GALNT13: variants seen among roughly 807,000 people sequenced by gnomAD.
The protein encoded by GALNT13 is UDP-GalNAc:polypeptide N-acetylgalactosaminyltransferase 13.
Under a neutral mutation model 64.2 loss-of-function variants are expected in GALNT13, and 28 were observed. The ratio of observed to expected loss-of-function variants is 0.44; its 90% CI spans 0.32 to 0.60. The LOEUF is 0.60. GALNT13 is among the 20% of genes least tolerant of loss of function. The pLI, the probability that GALNT13 is intolerant of heterozygous loss-of-function variation, is 0.05. For missense variants in GALNT13, 577 were observed against 669.8 expected (o/e 0.86, Z 1.53); for synonymous variants, 214 against 224.6 (o/e 0.95, Z 0.42).
chr2:154,237,134 A>G (rs965581539), intron 4 of GALNT13, among the ~76,000 whole-genome samples: 22 of 151,904 alleles, frequency 1.4e-4, no homozygotes, highest in African/African-American at 5.3e-4. Flanking sequence ...TGAGACTTGT[A>G]TTCTGTGAAA....
At chr2:153,177,476 G>T in the GALNT13 span, among the ~76,000 whole-genome samples, 1 of 151,948 alleles carries the variant, frequency 6.6e-6, no homozygotes, top group East Asian at 1.9e-4. Flanking sequence ...TACACCAAAG[G>T]TAGATGGATT....
chr2:154,446,532 A>AT (rs1186945103), intron 12 of GALNT13: 1 of 1,512,448 alleles, frequency 6.6e-7, no homozygotes, highest in South Asian at 1.3e-5. Context: ...TTTGTACTTG[A>AT]TTTTGTCATT....
At chr2:153,296,796 AT>A in the GALNT13 span, among the ~76,000 whole-genome samples, 3,925 of 151,840 alleles carry the variant, frequency 0.026, 163 homozygotes, top group African/African-American at 0.085. Flanking sequence ...TGGATTCTCA[AT>A]TTTTTTTTAT....
At chr2:154,054,468 T>C (rs1014937212) in intron 3 of GALNT13, among the ~76,000 whole-genome samples, 1 of 152,042 alleles carries the variant, frequency 6.6e-6, no homozygotes, top group African/African-American at 2.4e-5. Flanking sequence ...AGTGAATACA[T>C]ATTCTAGTAT....
the GALNT13 span, among the ~76,000 whole-genome samples, chr2:153,185,360 TA>T: frequency 2.0e-5 from 3 of 152,194 alleles, no homozygotes; most frequent in Non-Finnish European, 1.5e-5. Context: ...TATTCTTTAT[TA>T]GTCTACCTAG....
the GALNT13 span, among the ~76,000 whole-genome samples, chr2:153,326,207 C>T: frequency 6.6e-6 from 1 of 151,908 alleles, no homozygotes; most frequent in Non-Finnish European, 1.5e-5. Context: ...CTTCTTGTTG[C>T]ATTGATGCGT....
chr2:153,659,482 C>A, the GALNT13 span, among the ~76,000 whole-genome samples: 4 of 152,064 alleles, frequency 2.6e-5, no homozygotes, highest in African/African-American at 7.2e-5. Flanking sequence ...CCTCTTCCTT[C>A]GAAGCTTAAG....
the GALNT13 span, among the ~76,000 whole-genome samples, chr2:153,439,932 G>C: frequency 3.9e-5 from 6 of 152,138 alleles, no homozygotes; most frequent in African/African-American, 1.4e-4. Context: ...CTGCAGACTG[G>C]AGCTGTTCCT....
chr2:153,534,510 C>T, the GALNT13 span, among the ~76,000 whole-genome samples: 1 of 147,984 alleles, frequency 6.8e-6, no homozygotes, highest in Non-Finnish European at 1.5e-5. Flanking sequence ...CAAGTTAGGC[C>T]CCTCTTTCTT....
the GALNT13 span, among the ~76,000 whole-genome samples, chr2:153,559,003 T>A: frequency 6.6e-6 from 1 of 152,120 alleles, no homozygotes; most frequent in Admixed American, 6.6e-5. Context: ...TTGGTGGTGA[T>A]AAAAATGAAT....
At chr2:154,219,956 G>A (rs112198671) in intron 4 of GALNT13, among the ~76,000 whole-genome samples, 2,956 of 152,106 alleles carry the variant, frequency 0.019, 83 homozygotes, top group African/African-American at 0.06. Context: ...GAAGAATAAG[G>A]ACACATATCA....
the GALNT13 span, among the ~76,000 whole-genome samples, chr2:153,665,844 T>C: frequency 6.6e-6 from 1 of 152,082 alleles, no homozygotes; most frequent in Non-Finnish European, 1.5e-5. Flanking sequence ...GGAGAACTGC[T>C]TGGAGAGTTG....
the GALNT13 span, among the ~76,000 whole-genome samples, chr2:153,786,462 C>G: frequency 6.6e-6 from 1 of 152,090 alleles, no homozygotes; most frequent in Non-Finnish European, 1.5e-5. Flanking sequence ...TAGAAAGAGG[C>G]TCCCAGAGGC....
chr2:153,479,518 G>T, the GALNT13 span, among the ~76,000 whole-genome samples: 1 of 152,172 alleles, frequency 6.6e-6, no homozygotes. Context: ...TGGCCCTTGG[G>T]TGGAGGTAGT....
the GALNT13 span, among the ~76,000 whole-genome samples, chr2:153,321,714 A>G: frequency 6.6e-6 from 1 of 152,118 alleles, no homozygotes; most frequent in Non-Finnish European, 1.5e-5. Context: ...ACAAACTGTA[A>G]CTCCCCTAAA....
chr2:153,724,724 A>G, the GALNT13 span, among the ~76,000 whole-genome samples: 1 of 128,012 alleles, frequency 7.8e-6, no homozygotes, highest in East Asian at 2.4e-4. Context: ...ATCACTGGCC[A>G]TCAGAGAAAT....
chr2:153,744,202 A>G, the GALNT13 span, among the ~76,000 whole-genome samples: 1 of 152,144 alleles, frequency 6.6e-6, no homozygotes, highest in African/African-American at 2.4e-5. Context: ...CAGCAGTGAG[A>G]TTGCTGGATC....
At chr2:153,926,225 A>G (rs1369784833) in intron 2 of GALNT13, 3 of 152,076 alleles carry the variant, frequency 2.0e-5, no homozygotes, top group Non-Finnish European at 4.4e-5. Flanking sequence ...TGTTTTCAAT[A>G]TATTAAAATT....
chr2:153,342,247 G>T, the GALNT13 span, among the ~76,000 whole-genome samples: 4 of 152,230 alleles, frequency 2.6e-5, no homozygotes, highest in Non-Finnish European at 2.9e-5. Context: ...GGCGACTGTT[G>T]TCTATTTAAA....
Sources: allele counts gnomAD v4.1 joint callset (sites outside exome capture counted in the v4.1 genomes callset), GRCh38; gene constraint gnomAD v4.1.1; transcripts MANE v1.5; gene names NCBI Gene and HGNC (gene_info 2026-07-23, HGNC 2026-07-21).